MAGI2: variants seen among roughly 807,000 people sequenced by gnomAD.
The protein encoded by MAGI2 is membrane-associated guanylate kinase, WW and PDZ domain-containing protein 2.
A neutral mutation model predicts 133.3 loss-of-function variants in MAGI2; 35 were observed. That is an observed-to-expected ratio of 0.26 (90% CI 0.20 to 0.35). The LOEUF (loss-of-function observed/expected upper bound fraction) is 0.35. Among genes scored for constraint, MAGI2 ranks in the 10% least tolerant of loss-of-function variants. MAGI2 has a pLI of 1.00. For missense variants in MAGI2, 1,636 were observed against 1,863.4 expected (o/e 0.88, Z 2.25); for synonymous variants, 729 against 710.6 (o/e 1.03, Z -0.41).
intron 2 of MAGI2, among the ~76,000 whole-genome samples, chr7:78,652,403 A>G (rs1811678034): frequency 6.6e-6 from 1 of 152,238 alleles, no homozygotes; most frequent in Non-Finnish European, 1.5e-5. Flanking sequence ...TAATGAAAAC[A>G]GCATGGTACT....
intron 9 of MAGI2, among the ~76,000 whole-genome samples, chr7:78,334,515 T>A (rs191159687): frequency 6.6e-6 from 1 of 151,948 alleles, no homozygotes; most frequent in Admixed American, 6.5e-5. Context: ...AAGATTAGGG[T>A]TTTTTCTGTT....
Position 78,185,633 on chromosome 7 carries a change from G to A in MAGI2, c.2307C>T (p.Ser769=). 1 of 1,591,734 alleles carries A rather than the reference G, an allele frequency of 6.3e-7. No individual in the cohort carries two copies. The highest frequency in any genetic ancestry group is 1.1e-5 in the South Asian group (1 of 87,832). The change falls in exon 13 of 22, where the codon TCC becomes TCT. Residue 769 remains serine (S), a synonymous_variant. Coordinates refer to ENST00000354212, the MANE Select transcript of MAGI2 (RefSeq NM_012301.4). ...VPPRTSFRMD[S]SGPDYKELDV... is the part of the protein sequence containing the mutation. The stretch of plus-strand genomic sequence containing the variant: ...TGAGTACTGAACAATACTTGCCAGA[G>A]GAATCCATTCGAAAACTGGTCCTGG...
At position 79,221,969 on chromosome 7, in the gene MAGI2, G is replaced by T. The variant is rs757359394; in HGVS notation, c.302-214763C>A. The stretch of plus-strand genomic sequence containing the variant: ...TTTTTATGCTACAGTTTATAAATGA[G>T]AATAAGGACAACTATTATATATAAA... On this transcript the variant is annotated intron_variant, in intron 1 of 21. Coordinates refer to ENST00000354212, the MANE Select transcript of MAGI2 (RefSeq NM_012301.4). Among the ~76,000 whole-genome samples, 7 of 152,110 alleles carry T rather than the reference G, an allele frequency of 4.6e-5. No individual in the cohort carries two copies. The East Asian group carries it at 1.4e-3, about 29-fold the overall frequency.
chr7:79,337,654 A>G (rs1840538620), intron 1 of MAGI2, among the ~76,000 whole-genome samples: 1 of 152,068 alleles, frequency 6.6e-6, no homozygotes, highest in Admixed American at 6.6e-5. Context: ...CTATTTGATC[A>G]CCTCTTAAAA....
At chr7:79,107,021 A>C (rs1410566105) in intron 1 of MAGI2, among the ~76,000 whole-genome samples, 1 of 152,202 alleles carries the variant, frequency 6.6e-6, no homozygotes, top group Non-Finnish European at 1.5e-5. Context: ...CTTCAAAGAG[A>C]TTAATGTCCT....
intron 1 of MAGI2, among the ~76,000 whole-genome samples, chr7:79,260,311 G>A (rs533368179): frequency 6.6e-6 from 1 of 152,202 alleles, no homozygotes; most frequent in African/African-American, 2.4e-5. Context: ...AGCTGAGATC[G>A]TGCCACTGCA....
chr7:79,360,244 C>T (rs2129121753), intron 1 of MAGI2, among the ~76,000 whole-genome samples: 1 of 152,138 alleles, frequency 6.6e-6, no homozygotes, highest in South Asian at 2.1e-4. Flanking sequence ...AGTCAACATA[C>T]TAGAGCAACA....
chr7:78,762,902 G>T (rs1372528555), intron 2 of MAGI2, among the ~76,000 whole-genome samples: 1 of 152,160 alleles, frequency 6.6e-6, no homozygotes, highest in Non-Finnish European at 1.5e-5. Flanking sequence ...GGGCATAAAA[G>T]AACACAGTTT....
rs946340133 is a variant in MAGI2 at position 79,359,669 on chromosome 7, A to C, written c.301+93351T>G. 1.6e-4 allele frequency among the ~76,000 whole-genome samples: 22 copies of C among 140,116 alleles called. No individual in the cohort carries two copies. In the East Asian group the frequency reaches 3.0e-3, roughly 19 times the overall value. 91.9% of individuals were successfully genotyped at this position (140,116 alleles called of 152,430 possible). A position where few individuals can be genotyped will look rare whatever the true frequency, so the allele number is the denominator to read the frequency against. ...ACCAAAAGGAAATGCTCAAGTGGGA[A>C]ACACACACACACACACACACACACA... On this transcript the variant is annotated intron_variant, in intron 1 of 21. Coordinates refer to ENST00000354212, the MANE Select transcript of MAGI2 (RefSeq NM_012301.4).
At chr7:78,436,051 G>C (rs536453185) in intron 6 of MAGI2, among the ~76,000 whole-genome samples, 2 of 152,140 alleles carry the variant, frequency 1.3e-5, no homozygotes, top group Admixed American at 1.3e-4. Flanking sequence ...TCCGGGGTGA[G>C]TGCATCAGTT....
intron 6 of MAGI2, among the ~76,000 whole-genome samples, chr7:78,460,706 C>G (rs1056714592): frequency 2.0e-5 from 3 of 152,080 alleles, no homozygotes; most frequent in African/African-American, 7.2e-5. Context: ...GCACTGAGGC[C>G]CTTTGCTTTG....
chr7:78,313,110 C>T (rs1798860024), intron 9 of MAGI2, among the ~76,000 whole-genome samples: 2 of 151,952 alleles, frequency 1.3e-5, no homozygotes, highest in Non-Finnish European at 2.9e-5. Flanking sequence ...TCAAATACTA[C>T]ATGTTCTGAC....
At chr7:79,011,051 A>ACT (rs1054281381) in intron 1 of MAGI2, 2 of 152,042 alleles carry the variant, frequency 1.3e-5, no homozygotes, top group Admixed American at 1.3e-4. Flanking sequence ...CTCAGTTCAA[A>ACT]CTCTTCCTAT....
chr7:79,259,459 A>G (rs1240574674), intron 1 of MAGI2, among the ~76,000 whole-genome samples: 1 of 152,202 alleles, frequency 6.6e-6, no homozygotes, highest in African/African-American at 2.4e-5. Flanking sequence ...GAGGAGGCAT[A>G]CCTATTATAA....
chr7:78,363,928 CATGTAA>C (rs1793104303), intron 7 of MAGI2, among the ~76,000 whole-genome samples: 1 of 152,212 alleles, frequency 6.6e-6, no homozygotes, highest in African/African-American at 2.4e-5. Flanking sequence ...TCAGCTAGTA[CATGTAA>C]ATCACTTAGA....
At chr7:79,245,670 A>G (rs1170267863) in intron 1 of MAGI2, among the ~76,000 whole-genome samples, 1 of 152,184 alleles carries the variant, frequency 6.6e-6, no homozygotes, top group East Asian at 1.9e-4. Context: ...TAACTCCTAG[A>G]TGGCATCTCT....
chr7:79,291,743 C>G (rs1368175000), intron 1 of MAGI2, among the ~76,000 whole-genome samples: 1 of 151,990 alleles, frequency 6.6e-6, no homozygotes, highest in Non-Finnish European at 1.5e-5. Context: ...GCCAATTTAC[C>G]CATTTTAAAA....
intron 1 of MAGI2, among the ~76,000 whole-genome samples, chr7:79,200,266 T>TGG (rs1828473554): frequency 6.6e-6 from 1 of 151,924 alleles, no homozygotes; most frequent in African/African-American, 2.4e-5. Flanking sequence ...AAGGCTAACT[T>TGG]TCTTACATGC....
intron 1 of MAGI2, among the ~76,000 whole-genome samples, chr7:79,145,639 G>C (rs141892487): frequency 6.6e-6 from 1 of 151,962 alleles, no homozygotes; most frequent in African/African-American, 2.4e-5. Context: ...ACCAATGCTC[G>C]TGTTCACATT....
Sources: gnomAD v4.1 joint callset for allele counts (sites outside exome capture counted in the v4.1 genomes callset) on GRCh38, gnomAD v4.1.1 for gene constraint, MANE v1.5 for transcripts, NCBI Gene and HGNC (gene_info 2026-07-23, HGNC 2026-07-21) for gene names.